Variants in ACTN4 observed in about 807,000 individuals in gnomAD.
ACTN4 encodes alpha-actinin-4.
Under a neutral mutation model 114.2 loss-of-function variants are expected in ACTN4, and 18 were observed. The observed-to-expected ratio is 0.16, with a 90% CI of 0.11 to 0.23. The LOEUF is 0.23. ACTN4 is among the 10% of genes least tolerant of loss of function. ACTN4 has a pLI of 1.00. For synonymous variants in ACTN4, 515 were observed against 506.3 expected (o/e 1.02, Z -0.23); for missense variants, 722 against 1,262.9 (o/e 0.57, Z 6.49).
Position 38,730,972 on chromosome 19 carries a change from T to TG in ACTN4, c.*1543dup. On this transcript the variant is annotated 3_prime_UTR_variant, in exon 21 of 21. Coordinates refer to ENST00000252699, the MANE Select transcript of ACTN4 (RefSeq NM_004924.6). ...CCCTCCCACCTGGCTCACCTGTCTGTGGGTCAGGCAGATGACCCCCTCACC... is the reference window on the plus strand; with the variant it reads ...CCCTCCCACCTGGCTCACCTGTCTGTGGGGTCAGGCAGATGACCCCCTCACC... The TG allele has an allele frequency of 6.4e-7, 1 of 1,550,842 alleles. No homozygotes were observed. Among genetic ancestry groups the TG allele is most frequent in the Non-Finnish European group, 8.7e-7 (1 of 1,147,168 alleles).
chr19:38,654,937 G>A (rs35488280), intron 1 of ACTN4, among the ~76,000 whole-genome samples: 8,177 of 152,182 alleles, frequency 0.054, 246 homozygotes, highest in South Asian at 0.11. Context: ...GTGAGTTTAC[G>A]TGGGATTTGC....
At position 38,728,981 on chromosome 19, in the gene ACTN4, AC is replaced by A; in HGVS notation, c.2419-12del. ...CTAAATGTCGGGTGTCCCCCACCCCACCCTCTCCTTGCAGGGTGAGGCCGAG... is the reference window on the plus strand; with the variant it reads ...CTAAATGTCGGGTGTCCCCCACCCCACCTCTCCTTGCAGGGTGAGGCCGAG... On this transcript the variant is annotated splice_polypyrimidine_tract_variant and intron_variant, in intron 19 of 20. Transcript: ENST00000252699. 2 of 1,612,072 alleles carry A rather than the reference AC, an allele frequency of 1.2e-6. No homozygotes were observed. The highest frequency in any genetic ancestry group is 1.7e-6 in the Non-Finnish European group (2 of 1,179,914).
chr19:38,669,217 C>T (rs1967060025), intron 1 of ACTN4, among the ~76,000 whole-genome samples: 1 of 152,138 alleles, frequency 6.6e-6, no homozygotes, highest in Admixed American at 6.5e-5. Flanking sequence ...GAATTCCTGA[C>T]CTCAGGTGAT....
At position 38,659,257 on chromosome 19, in the gene ACTN4, C is replaced by T. The variant is rs1312217526; in HGVS notation, c.162+11350C>T. 3.1e-4 allele frequency among the ~76,000 whole-genome samples: 47 copies of T among 151,866 alleles called. 1 individual carries two copies. Among genetic ancestry groups the T allele is most frequent in the Non-Finnish European group, 1.3e-4 (9 of 67,966 alleles). Reference sequence around the variant, plus strand: ...GTATTTTTTAGGAGAGACGGAGTTTCACCATGTTGGCCAGGCTGGTCTTGA... The same window carrying T: ...GTATTTTTTAGGAGAGACGGAGTTTTACCATGTTGGCCAGGCTGGTCTTGA... On this transcript the variant is annotated intron_variant, in intron 1 of 20. Coordinates refer to ENST00000252699, the MANE Select transcript of ACTN4 (RefSeq NM_004924.6).
chr19:38,726,903 G>A (rs1194211019), intron 17 of ACTN4, 54 bp from the exon 18 acceptor site: 35 of 1,610,176 alleles, frequency 2.2e-5, no homozygotes, highest in Middle Eastern at 2.0e-4. Context: ...TGTGAACCAC[G>A]GTGAGGACAG....
chr19:38,673,843 C>T lies in ACTN4; in HGVS notation c.162+25936C>T, dbSNP rs1185911332. 2.2e-4 allele frequency among the ~76,000 whole-genome samples: 27 copies of T among 124,492 alleles called. 1 individual carries two copies. The highest frequency in any genetic ancestry group is 9.0e-4 in the Admixed American group (9 of 9,960). 81.7% of individuals were successfully genotyped at this position (124,492 alleles called of 152,430 possible). ...TATCACCCAGGCTGGAGTGCAGTAG[C>T]GTGATCTCAGCTCACTGCAACCTCT... is the stretch of plus-strand genomic sequence containing the variant. On this transcript the variant is annotated intron_variant, in intron 1 of 20. Transcript: ENST00000252699.
At chr19:38,652,526 C>T (rs1976595222) in intron 1 of ACTN4, among the ~76,000 whole-genome samples, 2 of 152,144 alleles carry the variant, frequency 1.3e-5, no homozygotes, top group Non-Finnish European at 2.9e-5. Context: ...CCCAGGATTG[C>T]CCTCTGCCTT....
intron 1 of ACTN4, among the ~76,000 whole-genome samples, chr19:38,699,193 G>A (rs892387655): frequency 2.2e-4 from 33 of 152,228 alleles, no homozygotes; most frequent in Non-Finnish European, 4.6e-4. Context: ...CTGTGGCCCT[G>A]ATGTCTATGA....
chr19:38,730,547 C>CT lies in ACTN4; in HGVS notation c.*1122dup, dbSNP rs1046000863. ...TTAAGAAGGATTCCTGCAGCATCAT[C>CT]TTTTTTTATTTCTCCTGTGTCTGTC... On this transcript the variant is annotated 3_prime_UTR_variant, in exon 21 of 21. Transcript: ENST00000252699. 2.6e-5 allele frequency: 12 copies of CT among 466,266 alleles called. No individual in the cohort carries two copies. Among genetic ancestry groups the CT allele is most frequent in the Middle Eastern group, 5.6e-4 (1 of 1,780 alleles). The allele number at this position is 466,266 out of a possible 1,614,324, so 28.9% of individuals were successfully genotyped here.
At chr19:38,694,758 G>C (rs1968036962) in intron 1 of ACTN4, among the ~76,000 whole-genome samples, 1 of 152,136 alleles carries the variant, frequency 6.6e-6, no homozygotes, top group Non-Finnish European at 1.5e-5. Flanking sequence ...ATGTGATCAT[G>C]GGGTTGGAGG....
intron 1 of ACTN4, among the ~76,000 whole-genome samples, chr19:38,665,519 G>T (rs929408659): frequency 6.6e-6 from 1 of 152,272 alleles, no homozygotes; most frequent in East Asian, 1.9e-4. Flanking sequence ...GCTGAAATAC[G>T]CAGCTCAGTG....
At chr19:38,709,503 C>A in intron 7 of ACTN4, 27 bp downstream of exon 7, 1 of 1,595,462 alleles carries the variant, frequency 6.3e-7, no homozygotes, top group Non-Finnish European at 8.6e-7. Flanking sequence ...GTTCAGCCAC[C>A]ACTGTGCTTC....
chr19:38,711,358 G>C, intron 8 of ACTN4: 1 of 1,037,116 alleles, frequency 9.6e-7, no homozygotes. Context: ...CGGGGGCTCA[G>C]AAGGTGAGCT....
At chr19:38,692,059 C>T (rs1967948016) in intron 1 of ACTN4, among the ~76,000 whole-genome samples, 1 of 152,186 alleles carries the variant, frequency 6.6e-6, no homozygotes, top group Non-Finnish European at 1.5e-5. Context: ...CTTTGGAATG[C>T]TCGCTACCCC....
intron 1 of ACTN4, among the ~76,000 whole-genome samples, chr19:38,692,308 G>T (rs1278000342): frequency 1.3e-5 from 2 of 152,268 alleles, no homozygotes; most frequent in African/African-American, 4.8e-5. Flanking sequence ...AACTGCCGCA[G>T]TGCTAGCCCT....
At chr19:38,676,764 C>G (rs935348281) in intron 1 of ACTN4, among the ~76,000 whole-genome samples, 1 of 152,162 alleles carries the variant, frequency 6.6e-6, no homozygotes, top group Admixed American at 6.5e-5. Flanking sequence ...AAGAGCATGA[C>G]CAGGTGCTCT....
chr19:38,648,009 C>CG (rs984214344), intron 1 of ACTN4, 102 bp downstream of exon 1: 328 of 1,286,078 alleles, frequency 2.6e-4, no homozygotes, highest in Non-Finnish European at 3.0e-4. Flanking sequence ...GTGATGGGAA[C>CG]GGGGGGGTCC....
At chr19:38,677,637 T>C (rs954792459) in intron 1 of ACTN4, among the ~76,000 whole-genome samples, 1 of 152,192 alleles carries the variant, frequency 6.6e-6, no homozygotes. Flanking sequence ...TCATAAGAAG[T>C]CCTCACCTGG....
In ACTN4 at chr19:38,730,229, TATATAA is replaced by T. The variant is rs1969470795; in HGVS notation, c.*803_*808del. The T allele has an allele frequency of 6.4e-6, 1 of 157,244 alleles. No homozygotes were observed. Among genetic ancestry groups the T allele is most frequent in the Non-Finnish European group, 1.4e-5 (1 of 70,912 alleles). The allele number at this position is 157,244 out of a possible 1,614,324, so 9.7% of individuals were successfully genotyped here. A position where few individuals can be genotyped will look rare whatever the true frequency, so the allele number is the denominator to read the frequency against. The stretch of plus-strand genomic sequence containing the variant: ...TTACTTTATTAACTTACGGATTTAT[TATATAA>T]ATATATATTCACCTAGCAACATATC... On this transcript the variant is annotated 3_prime_UTR_variant, in exon 21 of 21. Transcript: ENST00000252699.
Sources: gnomAD v4.1 joint callset for allele counts (sites outside exome capture counted in the v4.1 genomes callset) on GRCh38, gnomAD v4.1.1 for gene constraint, MANE v1.5 for transcripts, NCBI Gene and HGNC (gene_info 2026-07-23, HGNC 2026-07-21) for gene names.